The following COL24A1 variants were observed in gnomAD, a reference collection of about 807,000 sequenced individuals.
The protein encoded by COL24A1 is collagen type XXIV alpha 1 chain.
In COL24A1, 224 loss-of-function variants were observed where a neutral mutation model predicts 253.9. That is an observed-to-expected ratio of 0.88 (90% CI 0.79 to 0.99). The LOEUF is 0.99. COL24A1 is among the 50% of genes least tolerant of loss of function. The pLI, the probability that COL24A1 is intolerant of heterozygous loss-of-function variation, is 0.00. For synonymous variants in COL24A1, 685 were observed against 673.7 expected (o/e 1.02, Z -0.26); for missense variants, 2,131 against 2,068.5 (o/e 1.03, Z -0.59).
intron 1 of COL24A1, among the ~76,000 whole-genome samples, chr1:86,147,730 G>A (rs79705449): frequency 6.6e-6 from 1 of 152,126 alleles, no homozygotes; most frequent in Non-Finnish European, 1.5e-5. Flanking sequence ...CAAACTCTGA[G>A]AAAAAACTAT....
intron 23 of COL24A1, among the ~76,000 whole-genome samples, chr1:85,963,076 T>C: frequency 6.6e-6 from 1 of 152,184 alleles, no homozygotes. Context: ...TTTTACTTCT[T>C]TCTTTTCACT....
intron 21 of COL24A1, among the ~76,000 whole-genome samples, chr1:85,970,975 C>T (rs532868260): frequency 1.3e-5 from 2 of 152,242 alleles, no homozygotes; most frequent in African/African-American, 2.4e-5. Flanking sequence ...CACTCTGGGA[C>T]ATTTAGGTGG....
chr1:85,778,768 C>T (rs1271217325), intron 52 of COL24A1, among the ~76,000 whole-genome samples: 1 of 151,968 alleles, frequency 6.6e-6, no homozygotes, highest in East Asian at 1.9e-4. Context: ...CCACACCCGG[C>T]TAATTTTGTA....
At position 85,781,221 on chromosome 1, in the gene COL24A1, G is replaced by A. The variant is rs763851558; in HGVS notation, c.4337C>T (p.Thr1446Ile). The change falls in exon 52 of 60, where the codon ACT (threonine) becomes ATT (isoleucine). Residue 1446 changes from threonine (T) to isoleucine (I), a missense_variant and splice_region_variant. Coordinates refer to ENST00000370571, the MANE Select transcript of COL24A1 (RefSeq NM_152890.7). ...REGIIGPTGR[T>I]GPRGEKGFRG... ...AGACTTGTATTATGATAAACTTACAGTTCTACCTGTTGGGCCTATTATACC... is the reference window on the plus strand; with the variant it reads ...AGACTTGTATTATGATAAACTTACAATTCTACCTGTTGGGCCTATTATACC... The A allele has an allele frequency of 1.3e-6, 2 of 1,596,390 alleles. No homozygotes were observed. Among genetic ancestry groups the A allele is most frequent in the Admixed American group, 1.7e-5 (1 of 58,168 alleles).
At chr1:85,911,186 G>C (rs1472229446) in intron 25 of COL24A1, among the ~76,000 whole-genome samples, 194 bp downstream of exon 25, 1 of 151,852 alleles carries the variant, frequency 6.6e-6, no homozygotes, top group Admixed American at 6.6e-5. Flanking sequence ...ATAATCAAAA[G>C]GGTACTCTGC....
chr1:85,961,367 C>T, intron 23 of COL24A1, 74 bp from the exon 24 acceptor site: 1 of 1,220,066 alleles, frequency 8.2e-7, no homozygotes, highest in Non-Finnish European at 1.2e-6. Context: ...TTTCAATTTT[C>T]CTTTTTAATG....
At chr1:86,083,595 C>T (rs968331816) in intron 7 of COL24A1, among the ~76,000 whole-genome samples, 2 of 152,042 alleles carry the variant, frequency 1.3e-5, no homozygotes, top group Non-Finnish European at 2.9e-5. Flanking sequence ...GACTAACAAT[C>T]GCGCATAATC....
chr1:85,828,104 A>C (rs1279984874), intron 43 of COL24A1, among the ~76,000 whole-genome samples: 1 of 150,806 alleles, frequency 6.6e-6, no homozygotes, highest in Non-Finnish European at 1.5e-5. Flanking sequence ...TGCATCCCAG[A>C]GATTCTGGTA....
At chr1:85,864,958 T>C (rs563178202) in intron 37 of COL24A1, among the ~76,000 whole-genome samples, 6 of 152,260 alleles carry the variant, frequency 3.9e-5, no homozygotes, top group African/African-American at 1.2e-4. Flanking sequence ...TCCCAATTCT[T>C]TTCTCATGCA....
chr1:85,793,483 A>T (rs1670505045), intron 47 of COL24A1, among the ~76,000 whole-genome samples: 1 of 152,070 alleles, frequency 6.6e-6, no homozygotes, highest in Non-Finnish European at 1.5e-5. Context: ...AGAGGAGGGA[A>T]GGAAAGAGAG....
chr1:85,862,338 C>T (rs1484399173), intron 37 of COL24A1, among the ~76,000 whole-genome samples: 2 of 152,252 alleles, frequency 1.3e-5, no homozygotes, highest in South Asian at 4.1e-4. Context: ...TATAGAATCA[C>T]AGTCTGTAAG....
intron 47 of COL24A1, among the ~76,000 whole-genome samples, chr1:85,806,001 AG>A (rs1671920087): frequency 1.3e-5 from 2 of 150,546 alleles, no homozygotes. Flanking sequence ...GCATGAACCA[AG>A]GGGGCGGAGC....
intron 45 of COL24A1, among the ~76,000 whole-genome samples, chr1:85,819,007 A>G (rs1374105284): frequency 6.6e-6 from 1 of 152,234 alleles, no homozygotes; most frequent in Non-Finnish European, 1.5e-5. Flanking sequence ...GAAATAGTAT[A>G]TGTTGTCACA....
At chr1:85,940,737 A>G (rs906377133) in intron 24 of COL24A1, among the ~76,000 whole-genome samples, 8 of 152,182 alleles carry the variant, frequency 5.3e-5, no homozygotes, top group Non-Finnish European at 8.8e-5. Flanking sequence ...TGACTCTTGG[A>G]TCAAAAATGT....
chr1:86,039,620 A>G (rs1303483868), intron 12 of COL24A1, among the ~76,000 whole-genome samples: 1 of 152,178 alleles, frequency 6.6e-6, no homozygotes, highest in Non-Finnish European at 1.5e-5. Context: ...TTATCATAGA[A>G]GGTTATATAC....
intron 11 of COL24A1, among the ~76,000 whole-genome samples, chr1:86,047,514 G>A (rs990261907): frequency 6.6e-6 from 1 of 152,060 alleles, no homozygotes; most frequent in African/African-American, 2.4e-5. Context: ...CTTCCTCTGT[G>A]TGTGCCTCAT....
At chr1:85,849,743 T>G (rs1362245573) in intron 37 of COL24A1, among the ~76,000 whole-genome samples, 2 of 152,208 alleles carry the variant, frequency 1.3e-5, no homozygotes, top group Non-Finnish European at 2.9e-5. Context: ...CGTCACAGGC[T>G]GTAAAACACG....
chr1:85,884,175 A>G (rs1418893652), intron 32 of COL24A1, among the ~76,000 whole-genome samples: 1 of 152,016 alleles, frequency 6.6e-6, no homozygotes, highest in Non-Finnish European at 1.5e-5. Flanking sequence ...TAATTCCAAA[A>G]TGTCTGCTAT....
intron 2 of COL24A1, among the ~76,000 whole-genome samples, chr1:86,127,108 T>C (rs1648430849): frequency 6.6e-6 from 1 of 152,102 alleles, no homozygotes; most frequent in Non-Finnish European, 1.5e-5. Flanking sequence ...ACCAAAGTCC[T>C]TTGATAATTC....
Sources: allele counts gnomAD v4.1 joint callset (sites outside exome capture counted in the v4.1 genomes callset), GRCh38; gene constraint gnomAD v4.1.1; transcripts MANE v1.5; gene names NCBI Gene and HGNC (gene_info 2026-07-23, HGNC 2026-07-21).